The following SYNM variants were observed in gnomAD, a reference collection of about 807,000 sequenced individuals.
The protein encoded by SYNM is desmuslin.
Under a neutral mutation model 104.0 loss-of-function variants are expected in SYNM, and 95 were observed. The ratio of observed to expected loss-of-function variants is 0.91; its 90% CI spans 0.77 to 1.08. The LOEUF (loss-of-function observed/expected upper bound fraction) is 1.08, where lower values mean the gene tolerates loss of function less well. Ranked by LOEUF, SYNM falls within the 50% of genes least tolerant of loss-of-function variation. SYNM has a pLI of 0.00. For synonymous variants in SYNM, 918 were observed against 869.0 expected, an observed-to-expected ratio of 1.06 and a Z score of -0.99; for missense variants, 2,150 against 2,052.2, an observed-to-expected ratio of 1.05 and a Z score of -0.92.
chr15:99,129,065 T>A (rs113339955), intron 3 of SYNM: 264 of 326,872 alleles, frequency 8.1e-4, no homozygotes, highest in African/African-American at 4.6e-3. Flanking sequence ...ACCTCTGACC[T>A]CTCTGGGATA....
chr15:99,128,089 A>T (rs1177122590), intron 3 of SYNM, among the ~76,000 whole-genome samples: 1 of 152,242 alleles, frequency 6.6e-6, no homozygotes, highest in African/African-American at 2.4e-5. Flanking sequence ...AACTAAATTT[A>T]TTCTGGCAAT....
In SYNM at chr15:99,134,036, G is replaced by C. The variant is rs2067539683; in HGVS notation, c.*978G>C. 6.6e-6 allele frequency: 1 copy of C among 152,172 alleles called. No homozygotes were observed. The highest frequency in any genetic ancestry group is 2.1e-4 in the South Asian group (1 of 4,820). 9.4% of individuals were successfully genotyped at this position (152,172 alleles called of 1,614,324 possible). ...AAATTGGAAGCACACAGTGGACTGT[G>C]CCTCTTAAAGATGCCTTTCCCAACC... is the stretch of plus-strand genomic sequence containing the variant. On this transcript the variant is annotated 3_prime_UTR_variant, in exon 4 of 4. Transcript: ENST00000336292.
In SYNM at chr15:99,134,029, G is replaced by T. The variant is rs1555486383; in HGVS notation, c.*971G>T. The T allele has an allele frequency of 1.3e-5, 2 of 152,154 alleles. No homozygotes were observed. The highest frequency in any genetic ancestry group is 4.8e-5 in the African/African-American group (2 of 41,410). 9.4% of individuals were successfully genotyped at this position (152,154 alleles called of 1,614,324 possible). On this transcript the variant is annotated 3_prime_UTR_variant, in exon 4 of 4. Coordinates refer to ENST00000336292, the MANE Select transcript of SYNM (RefSeq NM_145728.3). ...TACAGGAAAATTGGAAGCACACAGT[G>T]GACTGTGCCTCTTAAAGATGCCTTT... is the stretch of plus-strand genomic sequence containing the variant.
chr15:99,133,155 A>G lies in SYNM; in HGVS notation c.*97A>G, dbSNP rs1037777297. On this transcript the variant is annotated 3_prime_UTR_variant, in exon 4 of 4. Transcript: ENST00000336292. ...TAAGAGGCCGAGGGAGTCTATGAAA[A>G]TCTCCCCTTTTTTACTTTTTTAAAG... The G allele has an allele frequency of 6.6e-7, 1 of 1,525,096 alleles. No homozygotes were observed. The highest frequency in any genetic ancestry group is 8.7e-7 in the Non-Finnish European group (1 of 1,145,250). The allele number at this position is 1,525,096 out of a possible 1,614,324, so 94.5% of individuals were successfully genotyped here.
chr15:99,123,271 T>C (rs1234245810), intron 2 of SYNM, among the ~76,000 whole-genome samples: 1 of 151,390 alleles, frequency 6.6e-6, no homozygotes, highest in African/African-American at 2.4e-5. Flanking sequence ...CTCTCTGTTT[T>C]ATGAGTGATG....
At chr15:99,116,405 A>T (rs1555483952) in intron 2 of SYNM, among the ~76,000 whole-genome samples, 2 of 104,876 alleles carry the variant, frequency 1.9e-5, no homozygotes, top group African/African-American at 2.9e-5. Flanking sequence ...GACTGCCCCA[A>T]GTCAGAAAAA....
At chr15:99,114,005 A>G (rs1477035280) in intron 2 of SYNM, among the ~76,000 whole-genome samples, 1 of 135,228 alleles carries the variant, frequency 7.4e-6, no homozygotes, top group African/African-American at 2.7e-5. Flanking sequence ...ACACATGTCA[A>G]CGTGTTGGAT....
intron 1 of SYNM, among the ~76,000 whole-genome samples, chr15:99,111,500 C>G (rs1414676477): frequency 6.6e-6 from 1 of 152,202 alleles, no homozygotes; most frequent in African/African-American, 2.4e-5. Context: ...CTGTCACTTA[C>G]ATCAAGACTG....
chr15:99,109,064 C>T (rs1170191392), intron 1 of SYNM, among the ~76,000 whole-genome samples: 1 of 152,174 alleles, frequency 6.6e-6, no homozygotes, highest in Non-Finnish European at 1.5e-5. Flanking sequence ...CACATTGTGC[C>T]CAGCTCTCCC....
In SYNM at chr15:99,105,732, C is replaced by A; in HGVS notation, c.533C>A (p.Pro178Gln). The change falls in exon 1 of 4, where the codon CCA becomes CAA. Residue 178 changes from proline (P) to glutamine (Q), a missense_variant. Pro to Gln is a moderately conservative substitution (Grantham distance 76). Transcript: ENST00000336292. ...GCCACCGGCCCCGCCGCGCCGCCGC[C>A]ACGCCTGCGGGAGGTGCACGACAGC... ...ARATGPAAPP[P>Q]RLREVHDSYA... 1.3e-6 allele frequency: 2 copies of A among 1,505,206 alleles called. No homozygotes were observed. Among genetic ancestry groups the A allele is most frequent in the Non-Finnish European group, 1.8e-6 (2 of 1,130,214 alleles). 93.2% of individuals were successfully genotyped at this position (1,505,206 alleles called of 1,614,324 possible). A position where few individuals can be genotyped will look rare whatever the true frequency, so the allele number is the denominator to read the frequency against.
In SYNM at chr15:99,130,218, T is replaced by C; in HGVS notation, c.1858T>C (p.Leu620=). The C allele has an allele frequency of 6.2e-7, 1 of 1,613,918 alleles. No homozygotes were observed. Among genetic ancestry groups the C allele is most frequent in the Non-Finnish European group, 8.5e-7 (1 of 1,179,888 alleles). The change falls in exon 4 of 4, where the codon TTG becomes CTG. Residue 620 remains leucine, a synonymous_variant. Coordinates refer to ENST00000336292, the MANE Select transcript of SYNM (RefSeq NM_145728.3). ...AGAAGCAAGAGAGCTACGGTTCAGG[T>C]TGGGCACCAGTGATGCCACTGGTTC... ...EAEARELRFR[L]GTSDATGSLQ... is the part of the protein sequence containing the mutation.
intron 1 of SYNM, among the ~76,000 whole-genome samples, chr15:99,111,874 G>C (rs534854955): frequency 2.6e-5 from 4 of 152,182 alleles, no homozygotes. Context: ...GTGAAACCCC[G>C]TCTCTACTAA....
chr15:99,119,312 C>T (rs1014635004), intron 2 of SYNM, among the ~76,000 whole-genome samples: 2 of 152,158 alleles, frequency 1.3e-5, no homozygotes, highest in African/African-American at 4.8e-5. Flanking sequence ...CATTGTGAGG[C>T]ATTGCAAGTT....
chr15:99,130,325 G>A lies in SYNM; in HGVS notation c.1965G>A (p.Glu655=). Residue 655 remains glutamate, a synonymous_variant, in exon 4 of 4, where the codon GAG becomes GAA. Transcript: ENST00000336292. The part of the protein sequence containing the change: ...SILKQFTQSP[E]TEASADSFPD... ...TGAAGCAGTTCACTCAGTCTCCAGA[G>A]ACAGAAGCATCTGCTGATTCTTTTC... 6.2e-7 allele frequency: 1 copy of A among 1,613,836 alleles called. No homozygotes were observed. Among genetic ancestry groups the A allele is most frequent in the Non-Finnish European group, 8.5e-7 (1 of 1,179,820 alleles).
At chr15:99,110,434 C>G (rs1198863578) in intron 1 of SYNM, among the ~76,000 whole-genome samples, 1 of 152,218 alleles carries the variant, frequency 6.6e-6, no homozygotes, top group African/African-American at 2.4e-5. Flanking sequence ...TTCTTACACA[C>G]CCACCTGGAA....
rs373241257 is a variant in SYNM at position 99,130,157 on chromosome 15, T to C, written c.1797T>C (p.Pro599=). 3.7e-6 allele frequency: 6 copies of C among 1,613,744 alleles called. No individual in the cohort carries two copies. The highest frequency in any genetic ancestry group is 1.3e-5 in the African/African-American group (1 of 74,876). Reference sequence around the variant, plus strand: ...TGTCCCCGAAAGGTTTGCAGACGCCTGTGAAGGATGCTGGTGGTGGGACCG... The same window carrying C: ...TGTCCCCGAAAGGTTTGCAGACGCCCGTGAAGGATGCTGGTGGTGGGACCG... ...AEVSPKGLQT[P]VKDAGGGTGR... is the part of the protein sequence containing the mutation. Residue 599 remains proline (P), a synonymous_variant, in exon 4 of 4, where the codon CCT becomes CCC. Transcript: ENST00000336292.
At position 99,135,052 on chromosome 15, in the gene SYNM, TA is replaced by T. The variant is rs1158741427; in HGVS notation, c.*1996del. Reference sequence around the variant, plus strand: ...CAGGACAGACTGGTGGTGAGGAGTCTAAGTGGGCTCAGTTTGATGTCAGTGT... The same window carrying T: ...CAGGACAGACTGGTGGTGAGGAGTCTAGTGGGCTCAGTTTGATGTCAGTGT... On this transcript the variant is annotated 3_prime_UTR_variant, in exon 4 of 4. Coordinates refer to ENST00000336292, the MANE Select transcript of SYNM (RefSeq NM_145728.3). 6.6e-6 allele frequency: 1 copy of T among 152,368 alleles called. No homozygotes were observed. Among genetic ancestry groups the T allele is most frequent in the Admixed American group, 6.5e-5 (1 of 15,280 alleles). 9.4% of individuals were successfully genotyped at this position (152,368 alleles called of 1,614,324 possible). A position where few individuals can be genotyped will look rare whatever the true frequency, so the allele number is the denominator to read the frequency against.
In SYNM at chr15:99,133,384, T is replaced by A. The variant is rs1252704068; in HGVS notation, c.*326T>A. ...GACATGGCTTGCATCTGTTTGAAAC[T>A]ACAATTAATTATAGATGTCAAAACA... On this transcript the variant is annotated 3_prime_UTR_variant, in exon 4 of 4. Transcript: ENST00000336292. 1 of 289,068 alleles carries A rather than the reference T, an allele frequency of 3.5e-6. No homozygotes were observed. Among genetic ancestry groups the A allele is most frequent in the Non-Finnish European group, 6.4e-6 (1 of 155,096 alleles). 17.9% of individuals were successfully genotyped at this position (289,068 alleles called of 1,614,324 possible). A position where few individuals can be genotyped will look rare whatever the true frequency, so the allele number is the denominator to read the frequency against.
intron 2 of SYNM, among the ~76,000 whole-genome samples, chr15:99,121,429 G>A (rs1280503868): frequency 1.3e-5 from 2 of 152,130 alleles, no homozygotes; most frequent in Admixed American, 1.3e-4. Flanking sequence ...AGGTGGCTGT[G>A]GTAGGAGGGA....
Sources: allele counts gnomAD v4.1 joint callset (sites outside exome capture counted in the v4.1 genomes callset), GRCh38; gene constraint gnomAD v4.1.1; transcripts MANE v1.5; gene names NCBI Gene and HGNC (gene_info 2026-07-23, HGNC 2026-07-21).